Variants in MTUS2 observed in about 807,000 individuals in gnomAD.
The protein encoded by MTUS2 is microtubule-associated tumor suppressor candidate 2.
MTUS2 carries 40 observed loss-of-function variants against 114.1 expected under a neutral mutation model. The observed-to-expected ratio is 0.35, with a 90% CI of 0.27 to 0.46. MTUS2 has a LOEUF of 0.46. MTUS2 is among the 20% of genes least tolerant of loss of function. The pLI is 1.00. For missense variants in MTUS2, 1,679 were observed against 1,705.4 expected (o/e 0.98, Z 0.27); for synonymous variants, 688 against 672.0 (o/e 1.02, Z -0.37).
At chr13:29,373,007 G>T (rs1056330523) in intron 8 of MTUS2, among the ~76,000 whole-genome samples, 1 of 152,200 alleles carries the variant, frequency 6.6e-6, no homozygotes, top group Non-Finnish European at 1.5e-5. Context: ...AAAATTAGTG[G>T]TGAACATACA....
At chr13:28,833,327 C>T (rs543556902) in intron 1 of MTUS2, among the ~76,000 whole-genome samples, 1 of 152,160 alleles carries the variant, frequency 6.6e-6, no homozygotes, top group Non-Finnish European at 1.5e-5. Flanking sequence ...TACTACCAAA[C>T]AGAAATCAGC....
chr13:29,171,210 T>G (rs917479693), intron 5 of MTUS2, among the ~76,000 whole-genome samples: 1 of 152,146 alleles, frequency 6.6e-6, no homozygotes. Context: ...TTCTGGTTAA[T>G]GTAGGGCTAA....
chr13:29,060,230 C>T (rs987569765), intron 4 of MTUS2, among the ~76,000 whole-genome samples: 1 of 152,200 alleles, frequency 6.6e-6, no homozygotes, highest in Non-Finnish European at 1.5e-5. Flanking sequence ...TTGTGGTGGT[C>T]CCCTTGGACT....
At chr13:28,870,815 C>T (rs1243654237) in intron 2 of MTUS2, among the ~76,000 whole-genome samples, 1 of 152,168 alleles carries the variant, frequency 6.6e-6, no homozygotes, top group Non-Finnish European at 1.5e-5. Flanking sequence ...CCCCTCTCTT[C>T]CTCCTCCCCA....
intron 5 of MTUS2, among the ~76,000 whole-genome samples, chr13:29,120,759 G>A (rs1593497856): frequency 1.3e-5 from 2 of 152,290 alleles, no homozygotes; most frequent in South Asian, 2.1e-4. Flanking sequence ...GATGTGCATT[G>A]CAATTCCCTC....
intron 4 of MTUS2, among the ~76,000 whole-genome samples, chr13:29,047,805 T>C (rs1285881597): frequency 1.1e-4 from 16 of 152,194 alleles, no homozygotes; most frequent in Non-Finnish European, 2.1e-4. Flanking sequence ...CCACCACGCC[T>C]GGCCAGAATT....
chr13:28,942,277 G>A (rs577188153), intron 2 of MTUS2, among the ~76,000 whole-genome samples: 2 of 151,990 alleles, frequency 1.3e-5, no homozygotes, highest in Admixed American at 6.5e-5. Flanking sequence ...ACCACAATGA[G>A]ATACCAGCAC....
intron 6 of MTUS2, among the ~76,000 whole-genome samples, chr13:29,292,935 T>G (rs1898778467): frequency 6.6e-6 from 1 of 152,196 alleles, no homozygotes; most frequent in Admixed American, 6.5e-5. Context: ...AGCACAAATG[T>G]TAAAGACTTT....
rs369033255 is a variant in MTUS2, at chr13:28,839,267, T to C, written c.-315-511T>C. The stretch of plus-strand genomic sequence containing the variant: ...TAATTAATATTAATGTTGTTAATAC[T>C]GTAGGATTCATAGCTACTCTGGTTT... On this transcript the variant is annotated intron_variant, in intron 1 of 15. Coordinates refer to ENST00000612955, the MANE Select transcript of MTUS2 (RefSeq NM_001033602.4). 9.9e-4 allele frequency among the ~76,000 whole-genome samples: 151 copies of C among 152,318 alleles called. 1 individual carries two copies. The highest frequency in any genetic ancestry group is 3.5e-3 in the African/African-American group (146 of 41,554).
chr13:29,055,116 T>TA (rs543485020), intron 4 of MTUS2, among the ~76,000 whole-genome samples: 171 of 152,206 alleles, frequency 1.1e-3, no homozygotes, highest in Middle Eastern at 3.4e-3. Flanking sequence ...TTCTATCAGT[T>TA]ACTTACAGAA....
intron 2 of MTUS2, among the ~76,000 whole-genome samples, chr13:28,883,893 G>A (rs1023315949): frequency 1.3e-5 from 2 of 152,216 alleles, no homozygotes; most frequent in Admixed American, 1.3e-4. Context: ...GAAATAAAAA[G>A]TGTTGGTGAG....
chr13:29,438,721 T>A (rs1877606709), intron 8 of MTUS2, among the ~76,000 whole-genome samples: 2 of 152,188 alleles, frequency 1.3e-5, no homozygotes. Flanking sequence ...CAGGGACAGA[T>A]CTATTGCTGC....
chr13:29,078,131 A>ATGCCT (rs10665878), intron 4 of MTUS2, among the ~76,000 whole-genome samples: 86,849 of 151,436 alleles, frequency 0.57, 25,143 homozygotes, highest in Non-Finnish European at 0.61. Flanking sequence ...TCAGAATATA[A>ATGCCT]TGATAAAAAT....
At chr13:28,993,983 T>C (rs904533584) in intron 2 of MTUS2, among the ~76,000 whole-genome samples, 1 of 152,152 alleles carries the variant, frequency 6.6e-6, no homozygotes, top group African/African-American at 2.4e-5. Flanking sequence ...ACACGTGCCA[T>C]GTTGGTGTGC....
At chr13:29,491,952 AGTGT>A (rs551844847) in intron 11 of MTUS2, among the ~76,000 whole-genome samples, 25 of 104,662 alleles carry the variant, frequency 2.4e-4, no homozygotes, top group African/African-American at 8.5e-4. Context: ...TGTGGCATGT[AGTGT>A]GTGTGTATGT....
At chr13:29,437,142 G>C (rs1877474220) in intron 8 of MTUS2, among the ~76,000 whole-genome samples, 1 of 152,200 alleles carries the variant, frequency 6.6e-6, no homozygotes, top group Non-Finnish European at 1.5e-5. Context: ...GGCCATGACA[G>C]GGAGCTGGGG....
chr13:28,995,060 C>G (rs1885033879), intron 2 of MTUS2, among the ~76,000 whole-genome samples: 1 of 152,192 alleles, frequency 6.6e-6, no homozygotes, highest in Non-Finnish European at 1.5e-5. Flanking sequence ...TTTAATCCAT[C>G]TTGAATTAAT....
At chr13:28,950,633 T>C (rs936090554) in intron 2 of MTUS2, among the ~76,000 whole-genome samples, 1 of 152,186 alleles carries the variant, frequency 6.6e-6, no homozygotes, top group East Asian at 1.9e-4. Flanking sequence ...GAGAGAAATA[T>C]GGAAAATGAC....
chr13:29,050,037 C>A (rs2138597471), intron 4 of MTUS2, among the ~76,000 whole-genome samples: 1 of 152,268 alleles, frequency 6.6e-6, no homozygotes, highest in Non-Finnish European at 1.5e-5. Flanking sequence ...CTCATGCAAA[C>A]AGCTGGACAG....
Sources: gnomAD v4.1 joint callset for allele counts (sites outside exome capture counted in the v4.1 genomes callset) on GRCh38, gnomAD v4.1.1 for gene constraint, MANE v1.5 for transcripts, NCBI Gene and HGNC (gene_info 2026-07-23, HGNC 2026-07-21) for gene names.